The following PCDHGB7 variants were observed in gnomAD, a reference collection of about 807,000 sequenced individuals.
PCDHGB7 encodes the protein protocadherin gamma-B7.
PCDHGB7 carries 37 observed loss-of-function variants against 61.4 expected under a neutral mutation model. That is an observed-to-expected ratio of 0.60 (90% CI 0.46 to 0.79). The LOEUF (loss-of-function observed/expected upper bound fraction) is 0.79. PCDHGB7 is among the 30% of genes least tolerant of loss of function. The pLI is 0.00. For synonymous variants in PCDHGB7, 464 were observed against 503.5 expected (o/e 0.92, Z 1.05); for missense variants, 1,166 against 1,202.5 (o/e 0.97, Z 0.45).
In PCDHGB7 at chr5:141,485,818, C is replaced by T; in HGVS notation, c.2416-8989C>T. 6 of 1,613,912 alleles carry T rather than the reference C, an allele frequency of 3.7e-6. No homozygotes were observed. The highest frequency in any genetic ancestry group is 5.1e-6 in the Non-Finnish European group (6 of 1,179,974). On this transcript the variant is annotated intron_variant, in intron 1 of 3. Transcript: ENST00000398594. This position sits in a 1 kb window ranked among gnomAD's most constrained non-coding sequence, Gnocchi z 5.7. ...ACTACCGCCTGGTGCTGACTGCTGTCGATGGAGGGAACCCGCCGAGATCTG... is the reference window on the plus strand; with the variant it reads ...ACTACCGCCTGGTGCTGACTGCTGTTGATGGAGGGAACCCGCCGAGATCTG...
At position 141,490,558 on chromosome 5, in the gene PCDHGB7, A is replaced by G. The variant is rs765890709; in HGVS notation, c.2416-4249A>G. 3.1e-5 allele frequency: 50 copies of G among 1,614,042 alleles called. No individual in the cohort carries two copies. The East Asian group carries it at 1.0e-3, about 34-fold the overall frequency. ...ACCTTCCCTACACAAACATCTCACC[A>G]TCAGGCTCAACATTTCAGATGTCAA... On this transcript the variant is annotated intron_variant, in intron 1 of 3. Transcript: ENST00000398594. This position sits in a 1 kb window ranked among gnomAD's most constrained non-coding sequence, Gnocchi z 5.4.
chr5:141,431,435 G>C lies in PCDHGB7; in HGVS notation c.2415+11161G>C, dbSNP rs376827063. The C allele has an allele frequency of 6.2e-7, 1 of 1,613,668 alleles. No homozygotes were observed. The highest frequency in any genetic ancestry group is 1.7e-5 in the Admixed American group (1 of 60,010). On this transcript the variant is annotated intron_variant, in intron 1 of 3. Coordinates refer to ENST00000398594, the MANE Select transcript of PCDHGB7 (RefSeq NM_018927.4). This position sits in a 1 kb window ranked among gnomAD's most constrained non-coding sequence, Gnocchi z 4.8. ...GGGCGACCCGGTGCGCACAGGCACC[G>C]CGCGCATCCGCGTGATGGTTCTGGA...
chr5:141,418,650 T>A lies in PCDHGB7; in HGVS notation c.791T>A (p.Val264Glu), dbSNP rs764145825. ...CCTCCAGGCACCTCCATCCTGAGAG[T>A]GAAGGCCACTGACCAGGACGAGGGC... ...DVPPGTSILRVKATDQDEGIN... is the reference protein window; with the variant it reads ...DVPPGTSILREKATDQDEGIN... The change falls in exon 1 of 4, where the codon GTG (valine) becomes GAG (glutamate). Residue 264 changes from valine (V) to glutamate (E), a missense_variant. Transcript: ENST00000398594. The A allele has an allele frequency of 5.0e-6, 8 of 1,613,898 alleles. No individual in the cohort carries two copies. Among genetic ancestry groups the A allele is most frequent in the South Asian group, 2.2e-5 (2 of 91,080 alleles).
chr5:141,501,964 A>G (rs1374872785), intron 2 of PCDHGB7, among the ~76,000 whole-genome samples: 1 of 151,854 alleles, frequency 6.6e-6, no homozygotes, highest in East Asian at 1.9e-4. Flanking sequence ...TCATCCTCCT[A>G]ACCTCTGGCA....
chr5:141,448,669 G>A (rs553283446), intron 1 of PCDHGB7, among the ~76,000 whole-genome samples: 13 of 152,136 alleles, frequency 8.5e-5, no homozygotes, highest in African/African-American at 7.2e-5. Flanking sequence ...GGCCGGGCGC[G>A]GTGGCTCACG....
intron 1 of PCDHGB7, among the ~76,000 whole-genome samples, chr5:141,455,907 ATTTATTTT>A (rs1199495676): frequency 7.1e-5 from 9 of 126,872 alleles, no homozygotes; most frequent in African/African-American, 1.1e-4. Context: ...TTATTTATTT[ATTTATTTT>A]GAGACGGAGT....
chr5:141,420,080 C>T lies in PCDHGB7; in HGVS notation c.2221C>T (p.Pro741Ser), dbSNP rs754438863. 1.2e-6 allele frequency: 2 copies of T among 1,614,010 alleles called. No homozygotes were observed. The highest frequency in any genetic ancestry group is 1.7e-6 in the Non-Finnish European group (2 of 1,179,862). The change falls in exon 1 of 4, where the codon CCC (proline) becomes TCC (serine). Residue 741 changes from proline (P) to serine (S), a missense_variant. Coordinates refer to ENST00000398594, the MANE Select transcript of PCDHGB7 (RefSeq NM_018927.4). The part of the protein sequence containing the change: ...LCSKSGPVGP[P>S]NYSEGTLPYA... ...CTCCAAGTCCGGACCTGTGGGTCCCCCCAACTACAGTGAGGGAACGTTGCC... is the reference window on the plus strand; with the variant it reads ...CTCCAAGTCCGGACCTGTGGGTCCCTCCAACTACAGTGAGGGAACGTTGCC...
At chr5:141,497,050 G>T (rs113054804) in intron 2 of PCDHGB7, among the ~76,000 whole-genome samples, 5,544 of 152,084 alleles carry the variant, frequency 0.036, 137 homozygotes, top group South Asian at 0.074. Context: ...TTAGCCAGGC[G>T]TGGTGGCAGG....
intron 1 of PCDHGB7, among the ~76,000 whole-genome samples, chr5:141,438,620 A>G (rs2098023964): frequency 1.0e-4 from 4 of 39,044 alleles, no homozygotes; most frequent in African/African-American, 8.0e-4. Flanking sequence ...ATATATATAT[A>G]TATATATATA....
intron 1 of PCDHGB7, among the ~76,000 whole-genome samples, chr5:141,425,603 A>G (rs2096884807): frequency 6.6e-6 from 1 of 152,218 alleles, no homozygotes; most frequent in Non-Finnish European, 1.5e-5. Context: ...TATGCCCTAT[A>G]TAGCTTTCAG....
chr5:141,432,746 G>T lies in PCDHGB7; in HGVS notation c.2415+12472G>T, dbSNP rs772043134. The T allele has an allele frequency of 6.2e-7, 1 of 1,614,098 alleles. No individual in the cohort carries two copies. Among genetic ancestry groups the T allele is most frequent in the Non-Finnish European group, 8.5e-7 (1 of 1,179,992 alleles). Reference sequence around the variant, plus strand: ...CTCCGCCACTGTCACGCTCACCGTGGCCGTGGCCGACAGCATCCCCCAAGT... The same window carrying T: ...CTCCGCCACTGTCACGCTCACCGTGTCCGTGGCCGACAGCATCCCCCAAGT... On this transcript the variant is annotated intron_variant, in intron 1 of 3. Transcript: ENST00000398594. This position sits in a 1 kb window ranked among gnomAD's most constrained non-coding sequence, Gnocchi z 6.0.
At position 141,489,760 on chromosome 5, in the gene PCDHGB7, C is replaced by A; in HGVS notation, c.2416-5047C>A. 1 of 1,614,086 alleles carries A rather than the reference C, an allele frequency of 6.2e-7. No individual in the cohort carries two copies. Among genetic ancestry groups the A allele is most frequent in the Non-Finnish European group, 8.5e-7 (1 of 1,179,970 alleles). On this transcript the variant is annotated intron_variant, in intron 1 of 3. Coordinates refer to ENST00000398594, the MANE Select transcript of PCDHGB7 (RefSeq NM_018927.4). This position sits in a 1 kb window ranked among gnomAD's most constrained non-coding sequence, Gnocchi z 4.5. ...TACTGTGAGCTTTTACACTCTAAGC[C>A]CCAACAGCCACTTCTCTCTGAATGT...
chr5:141,426,492 T>C (rs1439487321), intron 1 of PCDHGB7: 2 of 336,712 alleles, frequency 5.9e-6, no homozygotes, highest in African/African-American at 4.3e-5. Context: ...TTAGAGTTAG[T>C]GCAGAGAAAC....
chr5:141,425,194 A>G (rs1464968527), intron 1 of PCDHGB7, among the ~76,000 whole-genome samples: 1 of 152,206 alleles, frequency 6.6e-6, no homozygotes, highest in Non-Finnish European at 1.5e-5. Context: ...CAAACTGAGA[A>G]AAATGATGTA....
At chr5:141,506,863 G>A (rs1162975959) in intron 3 of PCDHGB7, among the ~76,000 whole-genome samples, 1 of 152,120 alleles carries the variant, frequency 6.6e-6, no homozygotes, top group Non-Finnish European at 1.5e-5. Context: ...GAGGACTGGT[G>A]GGTAGAGAAC....
intron 2 of PCDHGB7, among the ~76,000 whole-genome samples, chr5:141,495,690 G>A (rs1261694815): frequency 1.3e-5 from 2 of 152,172 alleles, no homozygotes; most frequent in East Asian, 3.9e-4. Context: ...TGGCATAAGT[G>A]CTCAATAAAT....
chr5:141,428,188 G>A (rs1023078587), intron 1 of PCDHGB7: 3 of 1,433,350 alleles, frequency 2.1e-6, no homozygotes, highest in Admixed American at 1.8e-5. Flanking sequence ...GACAGCCGCC[G>A]CTCTCTGCGC....
At chr5:141,450,506 G>A (rs2098682958) in intron 1 of PCDHGB7, among the ~76,000 whole-genome samples, 2 of 151,914 alleles carry the variant, frequency 1.3e-5, no homozygotes, top group Admixed American at 6.6e-5. Context: ...TTTGTTTTGA[G>A]ATGGAGTCTC....
At position 141,491,753 on chromosome 5, in the gene PCDHGB7, C is replaced by T. The variant is rs373728953; in HGVS notation, c.2416-3054C>T. On this transcript the variant is annotated intron_variant, in intron 1 of 3. Coordinates refer to ENST00000398594, the MANE Select transcript of PCDHGB7 (RefSeq NM_018927.4). The surrounding 1 kb of genome is among the most constrained non-coding windows in gnomAD (Gnocchi z 6.9). ...ACCCCTGGGGGCGGCACTGGAGAAGCCGCCCGTCCTCATAAGGGATTGAAC... is the reference window on the plus strand; with the variant it reads ...ACCCCTGGGGGCGGCACTGGAGAAGTCGCCCGTCCTCATAAGGGATTGAAC... 4 of 1,585,146 alleles carry T rather than the reference C, an allele frequency of 2.5e-6. No homozygotes were observed. Among genetic ancestry groups the T allele is most frequent in the East Asian group, 2.3e-5 (1 of 43,412 alleles).
Sources: gnomAD v4.1 joint callset for allele counts (sites outside exome capture counted in the v4.1 genomes callset) on GRCh38, gnomAD v4.1.1 for gene constraint, Gnocchi (gnomAD v3.1) non-coding constraint, MANE v1.5 for transcripts, NCBI Gene and HGNC (gene_info 2026-07-23, HGNC 2026-07-21) for gene names.